Variants in FLRT1 observed in about 807,000 individuals in gnomAD.
FLRT1 encodes leucine-rich repeat transmembrane protein FLRT1.
A neutral mutation model predicts 30.9 loss-of-function variants in FLRT1; 14 were observed. The observed-to-expected ratio is 0.45, with a 90% CI of 0.30 to 0.71. The LOEUF (loss-of-function observed/expected upper bound fraction) is 0.71, where lower values mean the gene tolerates loss of function less well. Ranked by LOEUF, FLRT1 falls within the 30% of genes least tolerant of loss-of-function variation. The probability of loss-of-function intolerance (pLI) is 0.08; values close to 1 mark genes in which losing one functional copy is unlikely to be tolerated. For missense variants in FLRT1, 737 were observed against 949.2 expected, an observed-to-expected ratio of 0.78 and a Z score of 2.94; for synonymous variants, 368 against 430.4, an observed-to-expected ratio of 0.85 and a Z score of 1.80.
At chr11:64,114,834 C>T (rs1944947047) in intron 2 of FLRT1, among the ~76,000 whole-genome samples, 1 of 152,138 alleles carries the variant, frequency 6.6e-6, no homozygotes, top group Non-Finnish European at 1.5e-5. Context: ...CAGAGGGAAG[C>T]TTTATCTGGG....
chr11:64,098,420 T>C (rs1294327624), intron 1 of FLRT1, among the ~76,000 whole-genome samples: 1 of 152,210 alleles, frequency 6.6e-6, no homozygotes, highest in Non-Finnish European at 1.5e-5. Flanking sequence ...ACTCCCAACA[T>C]GCTGAGCCCA....
intron 1 of FLRT1, among the ~76,000 whole-genome samples, chr11:64,102,105 A>C (rs1374946765): frequency 6.6e-6 from 1 of 152,244 alleles, no homozygotes; most frequent in East Asian, 1.9e-4. Flanking sequence ...CCTACAAAGA[A>C]AAGTGCCCAG....
intron 1 of FLRT1, among the ~76,000 whole-genome samples, chr11:64,095,706 G>T (rs994563124): frequency 7.9e-5 from 12 of 152,232 alleles, no homozygotes; most frequent in African/African-American, 2.7e-4. Flanking sequence ...AGGAGGGCTG[G>T]GTTTCTAGAT....
chr11:64,066,599 C>T (rs1944010283), intron 1 of FLRT1, among the ~76,000 whole-genome samples: 1 of 150,016 alleles, frequency 6.7e-6, no homozygotes, highest in South Asian at 2.1e-4. Context: ...CACTGCATTC[C>T]AGCCTCCAGC....
intron 1 of FLRT1, among the ~76,000 whole-genome samples, chr11:64,074,738 C>G (rs1018912319): frequency 6.6e-6 from 1 of 152,196 alleles, no homozygotes; most frequent in African/African-American, 2.4e-5. Context: ...GCCCCAGAGG[C>G]CCAGGGGTGA....
chr11:64,081,243 A>G (rs1944297475), intron 1 of FLRT1, among the ~76,000 whole-genome samples: 1 of 152,190 alleles, frequency 6.6e-6, no homozygotes. Context: ...GCTGGTCTTG[A>G]ACTCCTGACC....
At chr11:64,092,070 C>T (rs1944500601) in intron 1 of FLRT1, among the ~76,000 whole-genome samples, 1 of 152,196 alleles carries the variant, frequency 6.6e-6, no homozygotes, top group South Asian at 2.1e-4. Context: ...CAAGCCAGGA[C>T]CATAGCACAC....
At chr11:64,089,330 A>G (rs1944449826) in intron 1 of FLRT1, among the ~76,000 whole-genome samples, 1 of 152,148 alleles carries the variant, frequency 6.6e-6, no homozygotes, top group African/African-American at 2.4e-5. Context: ...TGTGCCAGGG[A>G]TTCGGACCCA....
Position 64,057,119 on chromosome 11 carries a change from G to A in FLRT1, c.-1038+20960G>A, listed in dbSNP as rs147066124. On this transcript the variant is annotated intron_variant, in intron 1 of 2. Coordinates refer to ENST00000682287, the MANE Select transcript of FLRT1 (RefSeq NM_013280.5). ...AACAGGGCTTCCTGTGTGTTCATCG[G>A]CTCCCTAAGTGCTTGCTGGACCCGG... 3.1e-3 allele frequency among the ~76,000 whole-genome samples: 476 copies of A among 152,334 alleles called. 3 individuals carry two copies. Among genetic ancestry groups the A allele is most frequent in the African/African-American group, 8.9e-3 (372 of 41,574 alleles).
intron 1 of FLRT1, among the ~76,000 whole-genome samples, chr11:64,093,759 G>A (rs529126444): frequency 3.2e-4 from 49 of 152,322 alleles, no homozygotes; most frequent in Middle Eastern, 3.4e-3. Flanking sequence ...GTGTCTCTAA[G>A]AGCCCAGAAC....
In FLRT1 at chr11:64,067,999, C is replaced by A. The variant is rs1160966510; in HGVS notation, c.-1038+31840C>A. ...ATTTAAAACAGCCTTGCAATAAAAG[C>A]TCAGAACGGAAAACCGCCGGTCTTG... On this transcript the variant is annotated intron_variant, in intron 1 of 2. Coordinates refer to ENST00000682287, the MANE Select transcript of FLRT1 (RefSeq NM_013280.5). The surrounding 1 kb of genome is among the most constrained non-coding windows in gnomAD (Gnocchi z 4.6). 6.6e-6 allele frequency among the ~76,000 whole-genome samples: 1 copy of A among 152,174 alleles called. No homozygotes were observed. The highest frequency in any genetic ancestry group is 1.5e-5 in the Non-Finnish European group (1 of 68,020).
Position 64,117,872 on chromosome 11 carries a change from T to C in FLRT1, c.1605T>C (p.Pro535=). The change falls in exon 3 of 3, where the codon CCT becomes CCC. Residue 535 remains proline, a synonymous_variant. Coordinates refer to ENST00000682287, the MANE Select transcript of FLRT1 (RefSeq NM_013280.5). The part of the protein sequence containing the change: ...AKAETADSYG[P]TTTLNQEQNA... ...CAGAGACAGCCGACAGCTATGGCCC[T>C]ACCACCACACTCAACCAGGAGCAGA... The C allele has an allele frequency of 6.2e-7, 1 of 1,614,116 alleles. No homozygotes were observed. Among genetic ancestry groups the C allele is most frequent in the Admixed American group, 1.7e-5 (1 of 60,034 alleles).
At position 64,118,009 on chromosome 11, in the gene FLRT1, G is replaced by T. The variant is rs1393488373; in HGVS notation, c.1742G>T (p.Gly581Val). 6.2e-7 allele frequency: 1 copy of T among 1,613,658 alleles called. No homozygotes were observed. The highest frequency in any genetic ancestry group is 8.5e-7 in the Non-Finnish European group (1 of 1,179,936). The change falls in exon 3 of 3, where the codon GGC becomes GTC. Residue 581 changes from glycine to valine, a missense_variant. Coordinates refer to ENST00000682287, the MANE Select transcript of FLRT1 (RefSeq NM_013280.5). ...GAICWYVHQAGELLTRERAYN... is the reference protein window; with the variant it reads ...GAICWYVHQAVELLTRERAYN... Reference sequence around the variant, plus strand: ...ATCTGCTGGTACGTGCACCAGGCTGGCGAGCTGCTGACCCGGGAGAGGGCC... The same window carrying T: ...ATCTGCTGGTACGTGCACCAGGCTGTCGAGCTGCTGACCCGGGAGAGGGCC...
At chr11:64,047,698 A>C (rs1013602854) in intron 1 of FLRT1, among the ~76,000 whole-genome samples, 2 of 151,968 alleles carry the variant, frequency 1.3e-5, no homozygotes, top group African/African-American at 4.8e-5. Flanking sequence ...GGAGCTCGAG[A>C]CCAGCCTGGC....
At position 64,070,895 on chromosome 11, in the gene FLRT1, G is replaced by A. The variant is rs573758449; in HGVS notation, c.-1037-32299G>A. Among the ~76,000 whole-genome samples the A allele has an allele frequency of 3.3e-5, 5 of 152,272 alleles. No individual in the cohort carries two copies. In the East Asian group the frequency reaches 9.7e-4, roughly 29 times the overall value. ...ATGGGGCCCCCCTCTGGGACACTTGGGGAAGGGGTACCCATGGGTCCACAT... is the reference window on the plus strand; with the variant it reads ...ATGGGGCCCCCCTCTGGGACACTTGAGGAAGGGGTACCCATGGGTCCACAT... On this transcript the variant is annotated intron_variant, in intron 1 of 2. Transcript: ENST00000682287.
chr11:64,044,877 G>A (rs1389768459), intron 1 of FLRT1, among the ~76,000 whole-genome samples: 1 of 152,174 alleles, frequency 6.6e-6, no homozygotes, highest in Non-Finnish European at 1.5e-5. Context: ...TTCTGCCTTC[G>A]TTTCCTGAGG....
At chr11:64,086,576 G>A (rs747714967) in intron 1 of FLRT1, among the ~76,000 whole-genome samples, 2 of 152,044 alleles carry the variant, frequency 1.3e-5, no homozygotes, top group Admixed American at 1.3e-4. Context: ...TCCTGCCTCC[G>A]GGCCTTTGCA....
At chr11:64,050,474 T>A (rs1161457297) in intron 1 of FLRT1, among the ~76,000 whole-genome samples, 2 of 152,202 alleles carry the variant, frequency 1.3e-5, no homozygotes, top group African/African-American at 4.8e-5. Context: ...CTCTGCCCCT[T>A]CCTGGCTGTG....
At chr11:64,088,870 G>A (rs957301828) in intron 1 of FLRT1, among the ~76,000 whole-genome samples, 8 of 152,148 alleles carry the variant, frequency 5.3e-5, no homozygotes, top group African/African-American at 1.7e-4. Flanking sequence ...GATCGCAGGC[G>A]GAATCGGGTG....
Sources: allele counts gnomAD v4.1 joint callset (sites outside exome capture counted in the v4.1 genomes callset), GRCh38; gene constraint gnomAD v4.1.1; non-coding constraint Gnocchi (gnomAD v3.1); transcripts MANE v1.5; gene names NCBI Gene and HGNC (gene_info 2026-07-23, HGNC 2026-07-21).